GZMH: variants seen among roughly 807,000 people sequenced by gnomAD.
GZMH encodes cathepsin G-like 2, protein h-CCPX.
A neutral mutation model predicts 20.7 loss-of-function variants in GZMH; 24 were observed. That is an observed-to-expected ratio of 1.16 (90% CI 0.84 to 1.63). The LOEUF is 1.63. Among genes scored for constraint, GZMH ranks in the 40% most tolerant of loss-of-function variants. The pLI, the probability that GZMH is intolerant of heterozygous loss-of-function variation, is 0.00. For synonymous variants in GZMH, 119 were observed against 116.1 expected (o/e 1.02, Z -0.16); for missense variants, 344 against 302.7 (o/e 1.14, Z -1.01).
In GZMH at chr14:24,608,166, T is replaced by C. The variant is rs1255217875; in HGVS notation, c.203+99A>G. On this transcript the variant is annotated intron_variant, in intron 2 of 4. Coordinates refer to ENST00000216338, the MANE Select transcript of GZMH (RefSeq NM_033423.5). ...CCGATGAGCTTTCATGGGCTTGTGTTACCAGGAACTCTGGAAGCTCCCCTG... is the reference window on the plus strand; with the variant it reads ...CCGATGAGCTTTCATGGGCTTGTGTCACCAGGAACTCTGGAAGCTCCCCTG... 15 of 1,303,758 alleles carry C rather than the reference T, an allele frequency of 1.2e-5. No individual in the cohort carries two copies. The Admixed American group carries it at 2.8e-4, about 24-fold the overall frequency. The allele number at this position is 1,303,758 out of a possible 1,614,324, so 80.8% of individuals were successfully genotyped here.
At chr14:24,607,852 G>T in intron 2 of GZMH, 105 bp from the exon 3 acceptor site, 1 of 1,559,276 alleles carries the variant, frequency 6.4e-7, no homozygotes, top group Non-Finnish European at 8.8e-7. Flanking sequence ...TGCAGCTGAG[G>T]GGAAGTTGAA....
At chr14:24,609,516 T>C (rs776005454) in intron 1 of GZMH, 43 bp downstream of exon 1, 12 of 1,407,236 alleles carry the variant, frequency 8.5e-6, no homozygotes, top group Admixed American at 1.9e-5. Context: ...CAGGGTATCT[T>C]ATAAGATGGG....
chr14:24,606,576 A>G lies in GZMH; in HGVS notation c.*27T>C, dbSNP rs758624167. On this transcript the variant is annotated 3_prime_UTR_variant, in exon 5 of 5. Coordinates refer to ENST00000216338, the MANE Select transcript of GZMH (RefSeq NM_033423.5). ...CTCTGTCCCAGAGATGGTCAGGCCC[A>G]GAGGAAGGTTAGTCTCATGCCTGCT... The G allele has an allele frequency of 6.2e-7, 1 of 1,606,044 alleles. No individual in the cohort carries two copies. The highest frequency in any genetic ancestry group is 8.5e-7 in the Non-Finnish European group (1 of 1,176,796).
intron 1 of GZMH, 141 bp downstream of exon 1, chr14:24,609,418 G>A: frequency 3.6e-6 from 2 of 560,016 alleles, no homozygotes; most frequent in Non-Finnish European, 6.5e-6. Context: ...TTTGCTGAGT[G>A]TCTATCTAGC....
rs777741862 is a variant in GZMH at position 24,607,184 on chromosome 14, C to G, written c.562G>C (p.Val188Leu). 2 of 1,613,964 alleles carry G rather than the reference C, an allele frequency of 1.2e-6. No homozygotes were observed. Among genetic ancestry groups the G allele is most frequent in the Non-Finnish European group, 1.7e-6 (2 of 1,179,890 alleles). ...GTCTGTGTCTTCTTTGGATCCCCCA[C>G]ACAAATCTCAGTGGCTCTGCTGTAA... ...GNYSRATEIC[V>L]GDPKKTQTGF... Residue 188 changes from valine (V) to leucine (L), a missense_variant, in exon 4 of 5, where the codon GTG becomes CTG. Physicochemically the swap from Val to Leu is conservative, Grantham distance 32. Coordinates refer to ENST00000216338, the MANE Select transcript of GZMH (RefSeq NM_033423.5).
In GZMH at chr14:24,609,544, G is replaced by C; in HGVS notation, c.55+15C>G. On this transcript the variant is annotated intron_variant, in intron 1 of 4. Coordinates refer to ENST00000216338, the MANE Select transcript of GZMH (RefSeq NM_033423.5). ...AAGATGGGTTCAGGCCTCTGGAATA[G>C]GGATAGTCACTTACCTGTCCCAGCC... The C allele has an allele frequency of 6.3e-7, 1 of 1,584,462 alleles. No homozygotes were observed. The highest frequency in any genetic ancestry group is 8.6e-7 in the Non-Finnish European group (1 of 1,158,358).
Position 24,608,314 on chromosome 14 carries a change from T to C in GZMH, c.154A>G (p.Ile52Val), listed in dbSNP as rs139373381. 8.7e-5 allele frequency: 141 copies of C among 1,614,184 alleles called. No homozygotes were observed. The African/African-American group carries it at 1.4e-3, about 16-fold the overall frequency. Reference protein sequence around the residue: ...QEKSRKRCGGILVRKDFVLTA... With the variant: ...QEKSRKRCGGVLVRKDFVLTA... ...AGCACAAAGTCCTTTCTCACTAGGA[T>C]GCCGCCACACCTCTTCCGACTCTTC... Residue 52 changes from isoleucine to valine, a missense_variant, in exon 2 of 5, where the codon ATC (isoleucine) becomes GTC (valine). By Grantham distance (29) the Ile-to-Val change is conservative. Coordinates refer to ENST00000216338, the MANE Select transcript of GZMH (RefSeq NM_033423.5).
chr14:24,606,619 G>A lies in GZMH; in HGVS notation c.725C>T (p.Thr242Ile), dbSNP rs1475862995. 1.2e-6 allele frequency: 2 copies of A among 1,613,602 alleles called. No individual in the cohort carries two copies. The highest frequency in any genetic ancestry group is 2.7e-5 in the African/African-American group (2 of 74,966). The stretch of plus-strand genomic sequence containing the variant: ...TGCCTGCTGTTAGAGGCGCTTCATT[G>A]TTCTCTTTATCCAGGGCAGGAAGTG... ...VSHFLPWIKR[T>I]MKRL The change falls in exon 5 of 5, where the codon ACA becomes ATA. Residue 242 changes from threonine to isoleucine, a missense_variant. Coordinates refer to ENST00000216338, the MANE Select transcript of GZMH (RefSeq NM_033423.5).
chr14:24,607,796 G>T, intron 2 of GZMH, 49 bp from the exon 3 acceptor site: 1 of 1,613,570 alleles, frequency 6.2e-7, no homozygotes, highest in Non-Finnish European at 8.5e-7. Context: ...AGGGGATAGA[G>T]CCCAGGAGCA....
At chr14:24,607,076 A>G in intron 4 of GZMH, 73 bp downstream of exon 4, 3 of 1,467,366 alleles carry the variant, frequency 2.0e-6, no homozygotes, top group South Asian at 2.5e-5. Context: ...AGATCTGGCC[A>G]CTGTCATACC....
chr14:24,608,316 C>T lies in GZMH; in HGVS notation c.152G>A (p.Gly51Asp). Residue 51 changes from glycine (G) to aspartate (D), a missense_variant, in exon 2 of 5, where the codon GGC becomes GAC. By Grantham distance (94) the Gly-to-Asp change is moderately conservative (BLOSUM62 -1). Transcript: ENST00000216338. ...CACAAAGTCCTTTCTCACTAGGATG[C>T]CGCCACACCTCTTCCGACTCTTCTC... ...LQEKSRKRCGGILVRKDFVLT... is the reference protein window; with the variant it reads ...LQEKSRKRCGDILVRKDFVLT... The T allele has an allele frequency of 6.2e-7, 1 of 1,614,186 alleles. No homozygotes were observed. The highest frequency in any genetic ancestry group is 8.5e-7 in the Non-Finnish European group (1 of 1,180,018).
rs1441777385 is a variant in GZMH, at chr14:24,607,317, A to C, written c.429T>G (p.Ser143Arg). ...TTGAGACATAACCCCAGCCAGCCAC[A>C]CTGCACAGCTGCCCTGGCTTCACCT... The part of the protein sequence containing the change: ...KAQVKPGQLC[S>R]VAGWGYVSMS... Residue 143 changes from serine to arginine, a missense_variant, in exon 4 of 5, where the codon AGT becomes AGG. Transcript: ENST00000216338. 6.2e-7 allele frequency: 1 copy of C among 1,613,880 alleles called. No homozygotes were observed. The highest frequency in any genetic ancestry group is 8.5e-7 in the Non-Finnish European group (1 of 1,179,866).
Position 24,607,359 on chromosome 14 carries a change from T to C in GZMH, c.387A>G (p.Leu129=). 6.2e-7 allele frequency: 1 copy of C among 1,609,746 alleles called. No individual in the cohort carries two copies. The highest frequency in any genetic ancestry group is 8.5e-7 in the Non-Finnish European group (1 of 1,176,670). The change falls in exon 4 of 5, where the codon CTA becomes CTG. Residue 129 remains leucine, a synonymous_variant. Transcript: ENST00000216338. The part of the protein sequence containing the change: ...KWTTAVRPLR[L]PSSKAQVKPG... Reference sequence around the variant, plus strand: ...GCTTCACCTGGGCCTTGCTGCTAGGTAGCCTGAGAGGCCGCACAGCTGTGG... The same window carrying C: ...GCTTCACCTGGGCCTTGCTGCTAGGCAGCCTGAGAGGCCGCACAGCTGTGG...
chr14:24,607,401 C>A lies in GZMH; in HGVS notation c.345G>T (p.Glu115Asp), dbSNP rs1291472922. 2 of 1,593,348 alleles carry A rather than the reference C, an allele frequency of 1.3e-6. No individual in the cohort carries two copies. The highest frequency in any genetic ancestry group is 1.1e-5 in the South Asian group (1 of 88,972). ...FSNDIMLLQLERKAKWTTAVR... is the reference protein window; with the variant it reads ...FSNDIMLLQLDRKAKWTTAVR... ...CAGCTGTGGTCCACTTGGCCTTTCTCTCCAGCTGGTGGGGAAGAAGCAAGA... is the reference window on the plus strand; with the variant it reads ...CAGCTGTGGTCCACTTGGCCTTTCTATCCAGCTGGTGGGGAAGAAGCAAGA... The change falls in exon 4 of 5, where the codon GAG becomes GAT. Residue 115 changes from glutamate (E) to aspartate (D), a missense_variant. Transcript: ENST00000216338.
In GZMH at chr14:24,608,399, C is replaced by G. The variant is rs2066888319; in HGVS notation, c.69G>C (p.Gly23=). The change falls in exon 2 of 5, where the codon GGG becomes GGC. Residue 23 remains glycine, a synonymous_variant. Coordinates refer to ENST00000216338, the MANE Select transcript of GZMH (RefSeq NM_033423.5). ...TPGAGTEEII[G]GHEAKPHSRP... ...GGGAGTGGGGCTTGGCCTCATGGCC[C>G]CCGATGATCTCCTCTGAAAGGAAAG... The G allele has an allele frequency of 6.2e-7, 1 of 1,614,012 alleles. No individual in the cohort carries two copies. Among genetic ancestry groups the G allele is most frequent in the Non-Finnish European group, 8.5e-7 (1 of 1,179,930 alleles).
chr14:24,606,768 A>G, intron 4 of GZMH, 22 bp from the exon 5 acceptor site: 1 of 1,609,202 alleles, frequency 6.2e-7, no homozygotes, highest in Non-Finnish European at 8.5e-7. Flanking sequence ...GAGAGGAAAG[A>G]CTGAGCTAGT....
At position 24,607,129 on chromosome 14, in the gene GZMH, G is replaced by A. The variant is rs758058137; in HGVS notation, c.597+20C>T. ...TCCTCTCTCCCTGTGGTCTTTCTGG[G>A]TAGAGGCTGGAAACCCAACCTTGAA... On this transcript the variant is annotated intron_variant, in intron 4 of 4. Coordinates refer to ENST00000216338, the MANE Select transcript of GZMH (RefSeq NM_033423.5). 1 of 1,603,526 alleles carries A rather than the reference G, an allele frequency of 6.2e-7. No individual in the cohort carries two copies. Among genetic ancestry groups the A allele is most frequent in the Non-Finnish European group, 8.5e-7 (1 of 1,173,206 alleles).
At chr14:24,609,519 AAG>A in intron 1 of GZMH, 38 bp downstream of exon 1, 1 of 1,430,858 alleles carries the variant, frequency 7.0e-7, no homozygotes, top group East Asian at 2.4e-5. Flanking sequence ...GGTATCTTAT[AAG>A]ATGGGTTCAG....
In GZMH at chr14:24,606,692, A is replaced by G. The variant is rs375349442; in HGVS notation, c.652T>C (p.Tyr218His). 8 of 1,613,550 alleles carry G rather than the reference A, an allele frequency of 5.0e-6. No individual in the cohort carries two copies. The East Asian group carries it at 1.6e-4, about 31-fold the overall frequency. Reference protein sequence around the residue: ...CKDVAQGILSYGNKKGTPPGV... With the variant: ...CKDVAQGILSHGNKKGTPPGV... ...GGAGGTGTCCCTTTTTTGTTTCCAT[A>G]GGAGAGAATACCTTGGGCTACGTCC... The change falls in exon 5 of 5, where the codon TAT (tyrosine) becomes CAT (histidine). Residue 218 changes from tyrosine (Y) to histidine (H), a missense_variant. Coordinates refer to ENST00000216338, the MANE Select transcript of GZMH (RefSeq NM_033423.5).
Sources: allele counts gnomAD v4.1 joint callset, GRCh38; gene constraint gnomAD v4.1.1; transcripts MANE v1.5; gene names NCBI Gene and HGNC (gene_info 2026-07-23, HGNC 2026-07-21).